SAYSD1: variants seen among roughly 807,000 people sequenced by gnomAD.
SAYSD1 encodes SAYSvFN domain-containing protein 1.
Under a neutral mutation model 14.5 loss-of-function variants are expected in SAYSD1, and 15 were observed. The ratio of observed to expected loss-of-function variants is 1.03; its 90% CI spans 0.69 to 1.59. The LOEUF is 1.59. SAYSD1 is among the 40% of genes most tolerant of loss of function. The pLI is 0.00. For missense variants in SAYSD1, 247 were observed against 227.3 expected, an observed-to-expected ratio of 1.09 and a Z score of -0.56; for synonymous variants, 105 against 102.6, an observed-to-expected ratio of 1.02 and a Z score of -0.14.
chr6:39,108,896 C>A (rs959461759), intron 1 of SAYSD1, among the ~76,000 whole-genome samples: 2 of 152,156 alleles, frequency 1.3e-5, no homozygotes, highest in African/African-American at 4.8e-5. Context: ...TCTTTCATAG[C>A]ATTTATCTGG....
rs757761730 is a variant in SAYSD1 at position 39,114,838 on chromosome 6, T to G, written c.207+45A>C. The G allele has an allele frequency of 3.8e-6, 6 of 1,581,942 alleles. No homozygotes were observed. In the East Asian group the frequency reaches 1.1e-4, roughly 30 times the overall value. On this transcript the variant is annotated intron_variant, in intron 1 of 1. Transcript: ENST00000229903. ...GCAGCTAGGGCCGCGCCCTCGACTG[T>G]GGCTCCGAGGCCAGGTCCTAGGGCC...
chr6:39,107,838 G>A (rs1769534177), intron 1 of SAYSD1, among the ~76,000 whole-genome samples: 1 of 152,182 alleles, frequency 6.6e-6, no homozygotes, highest in Non-Finnish European at 1.5e-5. Flanking sequence ...TGGGCAAAGG[G>A]GAGAGTAGCA....
At chr6:39,105,897 C>A in intron 1 of SAYSD1, 121 bp from the exon 2 acceptor site, 1 of 825,418 alleles carries the variant, frequency 1.2e-6, no homozygotes, top group Non-Finnish European at 1.9e-6. Context: ...GATTTCTATT[C>A]TTTCATGCAA....
intron 1 of SAYSD1, among the ~76,000 whole-genome samples, chr6:39,108,134 A>C (rs1431411076): frequency 6.6e-6 from 1 of 152,198 alleles, no homozygotes; most frequent in African/African-American, 2.4e-5. Context: ...AACTAAATTT[A>C]TCATTTAGGG....
chr6:39,107,857 C>T (rs1456487555), intron 1 of SAYSD1, among the ~76,000 whole-genome samples: 1 of 152,012 alleles, frequency 6.6e-6, no homozygotes, highest in Non-Finnish European at 1.5e-5. Flanking sequence ...CATGAGATGA[C>T]GGGGCTAAGG....
rs1272407799 is a variant in SAYSD1, at chr6:39,104,779, C to T, written c.*653G>A. ...TAACCACTTGTGAAATCCCTCCCCA[C>T]ACCTGCACTTAGGCGTTTGTCTCTT... On this transcript the variant is annotated 3_prime_UTR_variant, in exon 2 of 2. Coordinates refer to ENST00000229903, the MANE Select transcript of SAYSD1 (RefSeq NM_018322.3). The T allele has an allele frequency of 6.6e-6, 1 of 152,630 alleles. No individual in the cohort carries two copies. The highest frequency in any genetic ancestry group is 1.5e-5 in the Non-Finnish European group (1 of 68,538). 9.5% of individuals were successfully genotyped at this position (152,630 alleles called of 1,614,324 possible).
intron 1 of SAYSD1, chr6:39,109,505 C>T: frequency 6.8e-7 from 1 of 1,473,400 alleles, no homozygotes; most frequent in Non-Finnish European, 9.0e-7. Flanking sequence ...GCAGTCAGAG[C>T]TTGGCCCAAA....
In SAYSD1 at chr6:39,114,929, C is replaced by A; in HGVS notation, c.161G>T (p.Trp54Leu). ...CCGGGCACTCGCGGGCCTAGGTTTC[C>A]ATACCAGGAACCGCTTTAGCCAGCC... ...APGWLKRFLV[W>L]KPRPASARAQ... Residue 54 changes from tryptophan to leucine, a missense_variant, in exon 1 of 2, where the codon TGG becomes TTG. Trp to Leu is a moderately conservative substitution (Grantham distance 61). Coordinates refer to ENST00000229903, the MANE Select transcript of SAYSD1 (RefSeq NM_018322.3). 6.2e-7 allele frequency: 1 copy of A among 1,613,604 alleles called. No homozygotes were observed. Among genetic ancestry groups the A allele is most frequent in the Non-Finnish European group, 8.5e-7 (1 of 1,179,908 alleles).
intron 1 of SAYSD1, among the ~76,000 whole-genome samples, 159 bp from the exon 2 acceptor site, chr6:39,105,935 C>T (rs964579275): frequency 6.6e-6 from 1 of 152,174 alleles, no homozygotes; most frequent in Non-Finnish European, 1.5e-5. Context: ...CTCCAAAGAA[C>T]CTATGTGCTC....
intron 1 of SAYSD1, among the ~76,000 whole-genome samples, chr6:39,108,107 T>C (rs1183959578): frequency 6.6e-6 from 1 of 152,092 alleles, no homozygotes; most frequent in Non-Finnish European, 1.5e-5. Context: ...TGAATATACA[T>C]GCTGAGATTC....
In SAYSD1 at chr6:39,110,377, T is replaced by C. The variant is rs192284972; in HGVS notation, c.207+4506A>G. 4.8e-5 allele frequency: 10 copies of C among 207,840 alleles called. 1 individual carries two copies. In the East Asian group the frequency reaches 9.9e-4, roughly 21 times the overall value. 12.9% of individuals were successfully genotyped at this position (207,840 alleles called of 1,614,324 possible). A position where few individuals can be genotyped will look rare whatever the true frequency, so the allele number is the denominator to read the frequency against. On this transcript the variant is annotated intron_variant, in intron 1 of 1. Transcript: ENST00000229903. The stretch of plus-strand genomic sequence containing the variant: ...CCAATGGCCATGTGGAAGTGGTCAC[T>C]CTCCAGGTGAACTGAAAGTGCCAGA...
chr6:39,105,578 C>A lies in SAYSD1; in HGVS notation c.406G>T (p.Val136Phe), dbSNP rs759710937. The A allele has an allele frequency of 6.8e-6, 11 of 1,614,236 alleles. No individual in the cohort carries two copies. Among genetic ancestry groups the A allele is most frequent in the Non-Finnish European group, 9.3e-6 (11 of 1,180,050 alleles). ...FVLSLFYWMY[V>F]GTRGPEEKKE... ...TTCTCTTCAGGGCCTCGTGTCCCGACGTACATCCAATAGAACAAGGACAGG... is the reference window on the plus strand; with the variant it reads ...TTCTCTTCAGGGCCTCGTGTCCCGAAGTACATCCAATAGAACAAGGACAGG... The change falls in exon 2 of 2, where the codon GTC (valine) becomes TTC (phenylalanine). Residue 136 changes from valine to phenylalanine, a missense_variant. Physicochemically the swap from Val to Phe is conservative, Grantham distance 50. Transcript: ENST00000229903.
intron 1 of SAYSD1, chr6:39,111,136 A>T (rs368841193): frequency 1.3e-5 from 2 of 152,192 alleles, no homozygotes; most frequent in African/African-American, 4.8e-5. Flanking sequence ...CAAAGTCTTT[A>T]CTTGGACCTT....
At chr6:39,107,791 C>T (rs78335937) in intron 1 of SAYSD1, among the ~76,000 whole-genome samples, 1,642 of 152,246 alleles carry the variant, frequency 0.011, 37 homozygotes, top group African/African-American at 0.036. Flanking sequence ...GCACAGTATG[C>T]GTTCTGGCCC....
Position 39,104,573 on chromosome 6 carries a change from C to T in SAYSD1, c.*859G>A, listed in dbSNP as rs1253065549. On this transcript the variant is annotated 3_prime_UTR_variant, in exon 2 of 2. Transcript: ENST00000229903. ...TGATCTGAGGTGGAAGTTTCATCCT[C>T]CACCACCACCCCGTCCATGGAAAAA... 1 of 152,076 alleles carries T rather than the reference C, an allele frequency of 6.6e-6. No homozygotes were observed. The highest frequency in any genetic ancestry group is 6.5e-5 in the Admixed American group (1 of 15,282). 9.4% of individuals were successfully genotyped at this position (152,076 alleles called of 1,614,324 possible). A position where few individuals can be genotyped will look rare whatever the true frequency, so the allele number is the denominator to read the frequency against.
At chr6:39,109,237 G>T in intron 1 of SAYSD1, 1 of 1,317,464 alleles carries the variant, frequency 7.6e-7, no homozygotes, top group Non-Finnish European at 1.1e-6. Context: ...CTGGGGCAGG[G>T]TGGTGTGCTG....
At chr6:39,106,662 C>T (rs964997159) in intron 1 of SAYSD1, among the ~76,000 whole-genome samples, 3 of 152,230 alleles carry the variant, frequency 2.0e-5, no homozygotes, top group Non-Finnish European at 4.4e-5. Flanking sequence ...TGCCTCCTAT[C>T]TCTTCCCTCC....
intron 1 of SAYSD1, among the ~76,000 whole-genome samples, chr6:39,107,904 G>C (rs111705842): frequency 1.3e-5 from 2 of 152,108 alleles, no homozygotes; most frequent in Non-Finnish European, 2.9e-5. Flanking sequence ...ATAAAGTAGG[G>C]CCAGGCAGGT....
intron 1 of SAYSD1, chr6:39,109,244 G>A (rs1053090710): frequency 7.1e-7 from 1 of 1,405,484 alleles, no homozygotes; most frequent in African/African-American, 1.4e-5. Flanking sequence ...AGGGTGGTGT[G>A]CTGGGGGCTT....
Sources: allele counts gnomAD v4.1 joint callset (sites outside exome capture counted in the v4.1 genomes callset), GRCh38; gene constraint gnomAD v4.1.1; transcripts MANE v1.5; gene names NCBI Gene and HGNC (gene_info 2026-07-23, HGNC 2026-07-21).